The following GPC5 variants were observed in gnomAD, a reference collection of about 807,000 sequenced individuals.
GPC5 encodes glypican-5.
Under a neutral mutation model 53.9 loss-of-function variants are expected in GPC5, and 47 were observed. The observed-to-expected ratio is 0.87, with a 90% confidence interval of 0.69 to 1.11. The LOEUF (loss-of-function observed/expected upper bound fraction) is 1.11. Among genes scored for constraint, GPC5 ranks in the 50% most tolerant of loss-of-function variants. The pLI is 0.00. For synonymous variants in GPC5, 286 were observed against 263.3 expected, an observed-to-expected ratio of 1.09 and a Z score of -0.84; for missense variants, 748 against 713.1, an observed-to-expected ratio of 1.05 and a Z score of -0.56.
chr13:92,245,934 T>C (rs2042647376), intron 7 of GPC5, among the ~76,000 whole-genome samples: 1 of 152,108 alleles, frequency 6.6e-6, no homozygotes, highest in Non-Finnish European at 1.5e-5. Flanking sequence ...TGAATATTCT[T>C]ATGAATAGGG....
At chr13:92,680,137 T>C (rs969712612) in intron 7 of GPC5, among the ~76,000 whole-genome samples, 1 of 152,176 alleles carries the variant, frequency 6.6e-6, no homozygotes, top group Non-Finnish European at 1.5e-5. Flanking sequence ...TAATTAATTA[T>C]AGGGAAGGGA....
chr13:92,087,524 T>C (rs953016993), intron 6 of GPC5, among the ~76,000 whole-genome samples: 9 of 152,204 alleles, frequency 5.9e-5, no homozygotes, highest in South Asian at 2.1e-4. Flanking sequence ...ACATCTTTTG[T>C]TTTCAGGAAA....
chr13:92,444,715 T>TAAAAAA (rs71910602), intron 7 of GPC5, among the ~76,000 whole-genome samples: 1 of 84,202 alleles, frequency 1.2e-5, no homozygotes, highest in African/African-American at 4.4e-5. Context: ...TCCTGAAATC[T>TAAAAAA]AAAAAAAAAA....
chr13:92,169,875 A>G (rs553097521), intron 7 of GPC5, among the ~76,000 whole-genome samples: 32 of 152,218 alleles, frequency 2.1e-4, no homozygotes, highest in African/African-American at 6.7e-4. Flanking sequence ...ATTTGGAACT[A>G]TGTTACTTGG....
intron 2 of GPC5, among the ~76,000 whole-genome samples, chr13:91,477,453 A>G (rs1882996868): frequency 2.0e-5 from 3 of 152,186 alleles, no homozygotes; most frequent in South Asian, 2.1e-4. Context: ...GGGAGAGGAT[A>G]CATTCTGTTT....
chr13:91,984,616 T>C (rs1303173392), intron 6 of GPC5, among the ~76,000 whole-genome samples: 1 of 152,228 alleles, frequency 6.6e-6, no homozygotes, highest in African/African-American at 2.4e-5. Flanking sequence ...GTTATTTTTG[T>C]GGTGTATAGT....
At chr13:91,404,872 GC>G (rs1225364414) in intron 1 of GPC5, among the ~76,000 whole-genome samples, 19 of 152,094 alleles carry the variant, frequency 1.2e-4, no homozygotes, top group African/African-American at 1.9e-4. Flanking sequence ...ATGCTCATCA[GC>G]CCCCTGCTAA....
intron 6 of GPC5, among the ~76,000 whole-genome samples, chr13:91,954,802 C>A (rs1180139298): frequency 6.6e-6 from 1 of 151,962 alleles, no homozygotes; most frequent in East Asian, 1.9e-4. Flanking sequence ...GAAATAAAAT[C>A]ACTCTTACTG....
At chr13:92,500,057 T>C (rs998016259) in intron 7 of GPC5, among the ~76,000 whole-genome samples, 6 of 152,160 alleles carry the variant, frequency 3.9e-5, no homozygotes, top group Non-Finnish European at 8.8e-5. Flanking sequence ...TTTCCTTTTT[T>C]AAAAGTTTCT....
At chr13:92,448,067 A>T (rs1347872326) in intron 7 of GPC5, 1 of 152,256 alleles carries the variant, frequency 6.6e-6, no homozygotes, top group East Asian at 1.9e-4. Context: ...AAGAAAATGC[A>T]GCTTTACTTA....
chr13:92,719,704 T>A (rs1166270258), intron 7 of GPC5, among the ~76,000 whole-genome samples: 2 of 152,124 alleles, frequency 1.3e-5, no homozygotes, highest in Non-Finnish European at 2.9e-5. Flanking sequence ...AAAGAAGCAG[T>A]TTTGGGGTAG....
intron 2 of GPC5, among the ~76,000 whole-genome samples, chr13:91,501,555 T>A (rs954681478): frequency 6.6e-6 from 1 of 152,184 alleles, no homozygotes; most frequent in Admixed American, 6.5e-5. Flanking sequence ...TTCATCCATG[T>A]CCCTACAAAG....
intron 7 of GPC5, among the ~76,000 whole-genome samples, chr13:92,575,925 C>T (rs772033009): frequency 6.6e-6 from 1 of 152,038 alleles, no homozygotes; most frequent in South Asian, 2.1e-4. Flanking sequence ...GTATGCATTC[C>T]GCAGATGCAA....
At chr13:92,628,269 T>C (rs1354033185) in intron 7 of GPC5, among the ~76,000 whole-genome samples, 6 of 84,814 alleles carry the variant, frequency 7.1e-5, no homozygotes, top group East Asian at 5.9e-4. Flanking sequence ...TCTTTCTTTT[T>C]TTTTTTTTTT....
intron 7 of GPC5, among the ~76,000 whole-genome samples, chr13:92,560,069 A>T (rs1207872692): frequency 6.6e-6 from 1 of 151,758 alleles, no homozygotes; most frequent in Non-Finnish European, 1.5e-5. Context: ...CCAGAATATG[A>T]CTTTATTGGC....
chr13:91,429,086 A>G (rs1879253829), intron 1 of GPC5, among the ~76,000 whole-genome samples: 1 of 152,034 alleles, frequency 6.6e-6, no homozygotes, highest in Admixed American at 6.6e-5. Flanking sequence ...AACCTGGCTA[A>G]TTTTTATATT....
At chr13:91,571,904 T>TACG (rs1485058372) in intron 2 of GPC5, among the ~76,000 whole-genome samples, 6 of 62,748 alleles carry the variant, frequency 9.6e-5, no homozygotes, top group South Asian at 5.2e-4. Context: ...TATACACATA[T>TACG]TGTATATATA....
rs145233486 is a variant in GPC5, at chr13:91,576,793, T to C, written c.326-116394T>C. Among the ~76,000 whole-genome samples the C allele has an allele frequency of 1.9e-3, 286 of 152,274 alleles. 1 individual carries two copies. Among genetic ancestry groups the C allele is most frequent in the African/African-American group, 6.7e-3 (277 of 41,554 alleles). ...GGGAGGAAGCAGAAATCTCCTGTCA[T>C]CGCCTCCTGCTGGCCAAACTCAGCT... On this transcript the variant is annotated intron_variant, in intron 2 of 7. Coordinates refer to ENST00000377067, the MANE Select transcript of GPC5 (RefSeq NM_004466.6).
At position 92,605,654 on chromosome 13, in the gene GPC5, A is replaced by G. The variant is rs951066064; in HGVS notation, c.1562-260628A>G. 1.0e-4 allele frequency among the ~76,000 whole-genome samples: 15 copies of G among 148,312 alleles called. No individual in the cohort carries two copies. The East Asian group carries it at 2.9e-3, about 29-fold the overall frequency. On this transcript the variant is annotated intron_variant, in intron 7 of 7. Coordinates refer to ENST00000377067, the MANE Select transcript of GPC5 (RefSeq NM_004466.6). ...CCGGACTGCGGACTGCAGTGGCGCA[A>G]TCTCGGCTCACTGCAAGCTCCGCTT...
Sources: gnomAD v4.1 joint callset for allele counts (sites outside exome capture counted in the v4.1 genomes callset) on GRCh38, gnomAD v4.1.1 for gene constraint, MANE v1.5 for transcripts, NCBI Gene and HGNC (gene_info 2026-07-23, HGNC 2026-07-21) for gene names.